Variants in DACT1 observed in about 807,000 individuals in gnomAD.
The protein encoded by DACT1 is dapper homolog 1.
Under a neutral mutation model 35.3 loss-of-function variants are expected in DACT1, and 19 were observed. The observed-to-expected ratio is 0.54, with a 90% CI of 0.38 to 0.79. The LOEUF (loss-of-function observed/expected upper bound fraction) is 0.79. DACT1 is among the 30% of genes least tolerant of loss of function. The probability of loss-of-function intolerance (pLI) is 0.00; values close to 1 mark genes in which losing one functional copy is unlikely to be tolerated. For missense variants in DACT1, 1,143 were observed against 1,057.5 expected (o/e 1.08, Z -1.12); for synonymous variants, 545 against 466.7 (o/e 1.17, Z -2.16).
At position 58,646,461 on chromosome 14, in the gene DACT1, G is replaced by A; in HGVS notation, c.1727G>A (p.Arg576His). The change falls in exon 4 of 4, where the codon CGC (arginine) becomes CAC (histidine). Residue 576 changes from arginine to histidine, a missense_variant. Physicochemically the swap from Arg to His is conservative, Grantham distance 29. This residue lies in a region of DACT1 where 1,054 missense variants were observed against 958.8 expected (regional missense o/e 1.10). Transcript: ENST00000395153. ...ACGCGGGCCGGGAGCAAGAAGTGTC[G>A]CTTCCCAGATGACTTGGATACAAAT... ...EKTRAGSKKC[R>H]FPDDLDTNKK... The A allele has an allele frequency of 1.3e-6, 2 of 1,577,648 alleles. No homozygotes were observed. Among genetic ancestry groups the A allele is most frequent in the Middle Eastern group, 1.7e-4 (1 of 5,988 alleles).
chr14:58,634,612 C>G (rs2047562312), upstream of DACT1, among the ~76,000 whole-genome samples: 1 of 152,254 alleles, frequency 6.6e-6, no homozygotes, highest in Non-Finnish European at 1.5e-5. Context: ...GCCCTTTACT[C>G]TTTTCCTCCT....
chr14:58,647,227 CT>C lies in DACT1; in HGVS notation c.*96del. 2 of 1,408,822 alleles carry C rather than the reference CT, an allele frequency of 1.4e-6. No individual in the cohort carries two copies. The highest frequency in any genetic ancestry group is 2.9e-5 in the African/African-American group (2 of 68,696). The allele number at this position is 1,408,822 out of a possible 1,614,324, so 87.3% of individuals were successfully genotyped here. Reference sequence around the variant, plus strand: ...GTGGTGTTTTCATTTTTGTATAATACTTTAATGGAATGCTTTTTAAAAAAAT... The same window carrying C: ...GTGGTGTTTTCATTTTTGTATAATACTTAATGGAATGCTTTTTAAAAAAAT... On this transcript the variant is annotated 3_prime_UTR_variant, in exon 4 of 4. Coordinates refer to ENST00000395153, the MANE Select transcript of DACT1 (RefSeq NM_001079520.2).
At chr14:58,639,730 G>A (rs778130951) in intron 1 of DACT1, among the ~76,000 whole-genome samples, 1 of 152,204 alleles carries the variant, frequency 6.6e-6, no homozygotes, top group African/African-American at 2.4e-5. Context: ...TCATATGCAT[G>A]TGTTTTGTAA....
At position 58,646,672 on chromosome 14, in the gene DACT1, C is replaced by A; in HGVS notation, c.1938C>A (p.Ala646=). The change falls in exon 4 of 4, where the codon GCC becomes GCA. Residue 646 remains alanine, a synonymous_variant. Coordinates refer to ENST00000395153, the MANE Select transcript of DACT1 (RefSeq NM_001079520.2). ...RTDYRRWKSS[A]EISYEEALRR... is the part of the protein sequence containing the mutation. ...ACTACCGGCGGTGGAAGTCCTCGGC[C>A]GAGATTTCCTACGAAGAGGCCCTGA... 1.2e-6 allele frequency: 2 copies of A among 1,612,566 alleles called. No homozygotes were observed. The highest frequency in any genetic ancestry group is 1.7e-4 in the Middle Eastern group (1 of 6,052).
chr14:58,641,736 C>T lies in DACT1; in HGVS notation c.623C>T (p.Pro208Leu), dbSNP rs771491889. 1 of 1,613,062 alleles carries T rather than the reference C, an allele frequency of 6.2e-7. No homozygotes were observed. The highest frequency in any genetic ancestry group is 8.5e-7 in the Non-Finnish European group (1 of 1,179,786). ...ACCTTGAGTCTCTCAGATGGTTGCCCCAAATCTGCAGGTAAGAATTTTTAG... is the reference window on the plus strand; with the variant it reads ...ACCTTGAGTCTCTCAGATGGTTGCCTCAAATCTGCAGGTAAGAATTTTTAG... The part of the protein sequence containing the change: ...EATLSLSDGC[P>L]KSADVNPKYQ... Residue 208 changes from proline (P) to leucine (L), a missense_variant, in exon 3 of 4, where the codon CCC (proline) becomes CTC (leucine). Coordinates refer to ENST00000395153, the MANE Select transcript of DACT1 (RefSeq NM_001079520.2).
chr14:58,646,299 T>A lies in DACT1; in HGVS notation c.1565T>A (p.Phe522Tyr), dbSNP rs780042445. The part of the protein sequence containing the change: ...LEEAHLVKAQ[F>Y]IPGQQPSVRL... ...GAAGCGCACCTGGTCAAGGCCCAGT[T>A]TATCCCGGGGCAGCAGCCCAGTGTC... The change falls in exon 4 of 4, where the codon TTT becomes TAT. Residue 522 changes from phenylalanine to tyrosine, a missense_variant. By Grantham distance (22) the Phe-to-Tyr change is conservative. Around this residue, in one of 3 missense-constraint regions of DACT1, gnomAD observed 1,054 missense variants for 958.8 expected, o/e 1.10. Coordinates refer to ENST00000395153, the MANE Select transcript of DACT1 (RefSeq NM_001079520.2). 2.5e-6 allele frequency: 4 copies of A among 1,611,292 alleles called. No individual in the cohort carries two copies. Among genetic ancestry groups the A allele is most frequent in the Non-Finnish European group, 3.4e-6 (4 of 1,179,324 alleles).
At position 58,647,158 on chromosome 14, in the gene DACT1, TTG is replaced by T; in HGVS notation, c.*30_*31del. On this transcript the variant is annotated 3_prime_UTR_variant, in exon 4 of 4. Coordinates refer to ENST00000395153, the MANE Select transcript of DACT1 (RefSeq NM_001079520.2). The stretch of plus-strand genomic sequence containing the variant: ...GAGTGACATCATTGGTGTAGAAAGT[TTG>T]TGTGTTTTTTTTTCTTCTCCCTAGT... 1 of 1,591,632 alleles carries T rather than the reference TTG, an allele frequency of 6.3e-7. No homozygotes were observed. The highest frequency in any genetic ancestry group is 1.4e-5 in the African/African-American group (1 of 73,268).
chr14:58,642,456 C>A (rs73303950), intron 3 of DACT1, among the ~76,000 whole-genome samples: 8,886 of 151,718 alleles, frequency 0.059, 881 homozygotes, highest in African/African-American at 0.2. Flanking sequence ...TGTACTCCAG[C>A]CTGGGCGGCA....
rs777945767 is a variant in DACT1 at position 58,638,265 on chromosome 14, G to A, written c.63G>A (p.Glu21=). The change falls in exon 1 of 4, where the codon GAG becomes GAA. Residue 21 remains glutamate, a synonymous_variant. Coordinates refer to ENST00000395153, the MANE Select transcript of DACT1 (RefSeq NM_001079520.2). ...AGCCTCCGGCGCCGGCCCGAGGCGA[G>A]CAGCGCACGGCGGAGCCCGAGGGGC... ...ELEPPAPARG[E]QRTAEPEGRW... is the part of the protein sequence containing the mutation. 21 of 1,358,954 alleles carry A rather than the reference G, an allele frequency of 1.5e-5. No homozygotes were observed. In the South Asian group the frequency reaches 2.8e-4, roughly 18 times the overall value. The allele number at this position is 1,358,954 out of a possible 1,614,324, so 84.2% of individuals were successfully genotyped here.
In DACT1 at chr14:58,641,664, T is replaced by C; in HGVS notation, c.551T>C (p.Leu184Ser). The C allele has an allele frequency of 6.2e-7, 1 of 1,614,234 alleles. No homozygotes were observed. Residue 184 changes from leucine to serine, a missense_variant, in exon 3 of 4, where the codon TTA becomes TCA. Leu to Ser is a moderately radical substitution (Grantham distance 145). Around this residue, in one of 3 missense-constraint regions of DACT1, gnomAD observed 1,054 missense variants for 958.8 expected, o/e 1.10. Transcript: ENST00000395153. ...NSSNSVFSEC[L>S]SSCHSSTCFC... Reference sequence around the variant, plus strand: ...TCTAACTCGGTGTTCAGTGAGTGTTTATCCAGTTGTCATTCCAGCACCTGC... The same window carrying C: ...TCTAACTCGGTGTTCAGTGAGTGTTCATCCAGTTGTCATTCCAGCACCTGC...
rs150721565 is a variant in DACT1, at chr14:58,645,563, G to T, written c.829G>T (p.Val277Phe). ...DICGGSELDAVKTDSSLPSPS... is the reference protein window; with the variant it reads ...DICGGSELDAFKTDSSLPSPS... ...TTGCGGTGGATCTGAGCTAGATGCC[G>T]TCAAAACAGACAGTTCCTTACCGTC... The change falls in exon 4 of 4, where the codon GTC becomes TTC. Residue 277 changes from valine to phenylalanine, a missense_variant. By Grantham distance (50) the Val-to-Phe change is conservative. Around this residue, in one of 3 missense-constraint regions of DACT1, gnomAD observed 1,054 missense variants for 958.8 expected, o/e 1.10. Transcript: ENST00000395153. The T allele has an allele frequency of 5.6e-5, 90 of 1,614,020 alleles. No homozygotes were observed. Among genetic ancestry groups the T allele is most frequent in the Non-Finnish European group, 7.0e-5 (83 of 1,180,042 alleles).
chr14:58,642,808 C>A (rs1463710178), intron 3 of DACT1, among the ~76,000 whole-genome samples: 1 of 152,242 alleles, frequency 6.6e-6, no homozygotes, highest in Non-Finnish European at 1.5e-5. Context: ...GAATGTTCTG[C>A]ATGATGGCAG....
At chr14:58,642,699 A>G (rs2047639446) in intron 3 of DACT1, among the ~76,000 whole-genome samples, 1 of 152,198 alleles carries the variant, frequency 6.6e-6, no homozygotes, top group Non-Finnish European at 1.5e-5. Flanking sequence ...ATCTCAATCA[A>G]TCAATCAGTC....
rs762191092 is a variant in DACT1 at position 58,646,357 on chromosome 14, C to G, written c.1623C>G (p.Val541=). The change falls in exon 4 of 4, where the codon GTC becomes GTG. Residue 541 remains valine, a synonymous_variant. Coordinates refer to ENST00000395153, the MANE Select transcript of DACT1 (RefSeq NM_001079520.2). ...RLHRGHRNMG[V]VKNSSLKHRG... is the part of the protein sequence containing the mutation. ...ACCGGGGCCACAGGAACATGGGCGT[C>G]GTGAAGAACTCCAGCCTGAAGCACC... The G allele has an allele frequency of 1.2e-6, 2 of 1,606,422 alleles. No individual in the cohort carries two copies. Among genetic ancestry groups the G allele is most frequent in the East Asian group, 2.2e-5 (1 of 44,824 alleles).
chr14:58,638,244 T>C lies in DACT1; in HGVS notation c.42T>C (p.Pro14=). The change falls in exon 1 of 4, where the codon CCT becomes CCC. Residue 14 remains proline (P), a synonymous_variant. Coordinates refer to ENST00000395153, the MANE Select transcript of DACT1 (RefSeq NM_001079520.2). The part of the protein sequence containing the change: ...SPAGTAKELE[P]PAPARGEQRT... The stretch of plus-strand genomic sequence containing the variant: ...CCGGGACGGCGAAGGAGCTGGAGCC[T>C]CCGGCGCCGGCCCGAGGCGAGCAGC... 4 of 1,365,528 alleles carry C rather than the reference T, an allele frequency of 2.9e-6. No individual in the cohort carries two copies. The highest frequency in any genetic ancestry group is 3.3e-5 in the South Asian group (2 of 59,882). 84.6% of individuals were successfully genotyped at this position (1,365,528 alleles called of 1,614,324 possible). A position where few individuals can be genotyped will look rare whatever the true frequency, so the allele number is the denominator to read the frequency against.
rs1416053068 is a variant in DACT1 at position 58,646,897 on chromosome 14, G to T, written c.2163G>T (p.Glu721Asp). Residue 721 changes from glutamate (E) to aspartate (D), a missense_variant, in exon 4 of 4, where the codon GAG (glutamate) becomes GAT (aspartate). Glu to Asp is a conservative substitution (Grantham distance 45, BLOSUM62 2). Coordinates refer to ENST00000395153, the MANE Select transcript of DACT1 (RefSeq NM_001079520.2). ...NYTTNCFGDS[E>D]SSVSEGEFVG... is the part of the protein sequence containing the mutation. ...CCACCAACTGCTTCGGGGACAGCGAGTCGAGTGTGAGCGAGGGCGAGTTCG... is the reference window on the plus strand; with the variant it reads ...CCACCAACTGCTTCGGGGACAGCGATTCGAGTGTGAGCGAGGGCGAGTTCG... 36 of 1,614,092 alleles carry T rather than the reference G, an allele frequency of 2.2e-5. No individual in the cohort carries two copies. Among genetic ancestry groups the T allele is most frequent in the Non-Finnish European group, 2.8e-5 (33 of 1,180,060 alleles).
At chr14:58,635,632 C>T (rs1394741381), upstream of DACT1, among the ~76,000 whole-genome samples, 10 of 129,742 alleles carry the variant, frequency 7.7e-5, no homozygotes, top group East Asian at 2.3e-4. Flanking sequence ...CAAGCTGTTA[C>T]GGCAAATGGC....
At chr14:58,634,139 C>T (rs2047559494), upstream of DACT1, 2 of 152,170 alleles carry the variant, frequency 1.3e-5, no homozygotes, top group African/African-American at 2.4e-5. Context: ...TCACCCTGGC[C>T]TTCTTCAACA....
At chr14:58,642,043 A>G (rs2047631913) in intron 3 of DACT1, among the ~76,000 whole-genome samples, 1 of 152,178 alleles carries the variant, frequency 6.6e-6, no homozygotes, top group African/African-American at 2.4e-5. Context: ...CTTTGCTGTT[A>G]GGTTGTCTGT....
Sources: gnomAD v4.1 joint callset for allele counts (sites outside exome capture counted in the v4.1 genomes callset) on GRCh38, gnomAD v4.1.1 for gene constraint, gnomAD v4.1.1 regional missense constraint, MANE v1.5 for transcripts, NCBI Gene and HGNC (gene_info 2026-07-23, HGNC 2026-07-21) for gene names.